The following PARD3B variants were observed in gnomAD, a reference collection of about 807,000 sequenced individuals.
PARD3B encodes partitioning defective 3 homolog B.
In PARD3B, 103 loss-of-function variants were observed where a neutral mutation model predicts 130.2. The ratio of observed to expected loss-of-function variants is 0.79; its 90% confidence interval spans 0.67 to 0.93. The LOEUF is 0.93. Ranked by LOEUF, PARD3B falls within the 40% of genes least tolerant of loss-of-function variation. The pLI is 0.00. For synonymous variants in PARD3B, 583 were observed against 553.2 expected (o/e 1.05, Z -0.76); for missense variants, 1,609 against 1,499.2 (o/e 1.07, Z -1.21).
intron 22 of PARD3B, among the ~76,000 whole-genome samples, chr2:205,610,165 T>G (rs888076434): frequency 5.9e-5 from 9 of 152,164 alleles, no homozygotes; most frequent in African/African-American, 2.2e-4. Context: ...GAGTAGCTTA[T>G]ATGAAAATCA....
intron 15 of PARD3B, among the ~76,000 whole-genome samples, chr2:205,226,901 T>C (rs190345572): frequency 3.9e-5 from 6 of 152,306 alleles, no homozygotes; most frequent in Non-Finnish European, 7.4e-5. Context: ...CTGTGAAGAA[T>C]AGCCAAAGCC....
chr2:205,012,107 T>C (rs1695763083), intron 3 of PARD3B, among the ~76,000 whole-genome samples: 1 of 152,192 alleles, frequency 6.6e-6, no homozygotes, highest in Non-Finnish European at 1.5e-5. Context: ...CTCTGTAGGA[T>C]GTCAGGTCTC....
intron 2 of PARD3B, among the ~76,000 whole-genome samples, chr2:204,851,747 T>C (rs2044714128): frequency 6.8e-6 from 1 of 146,380 alleles, no homozygotes; most frequent in Non-Finnish European, 1.5e-5. Context: ...TTGACAATCC[T>C]TTTTTTTTTT....
intron 3 of PARD3B, among the ~76,000 whole-genome samples, chr2:205,035,981 T>G (rs924585755): frequency 4.1e-5 from 6 of 145,044 alleles, no homozygotes; most frequent in African/African-American, 1.5e-4. Flanking sequence ...TATTTATATA[T>G]ATAGTAGAAT....
chr2:205,198,271 G>T (rs905529581), intron 15 of PARD3B, among the ~76,000 whole-genome samples: 2 of 152,168 alleles, frequency 1.3e-5, no homozygotes, highest in Non-Finnish European at 2.9e-5. Context: ...GGAAGATGCT[G>T]GCCAGCTGCC....
chr2:204,888,146 G>A (rs77065247), intron 2 of PARD3B, among the ~76,000 whole-genome samples: 2,644 of 152,132 alleles, frequency 0.017, 54 homozygotes, highest in East Asian at 0.11. Context: ...AAGGGTAGAG[G>A]TATTGAAAAA....
At chr2:205,059,374 A>G (rs1245815341) in intron 4 of PARD3B, among the ~76,000 whole-genome samples, 1 of 152,050 alleles carries the variant, frequency 6.6e-6, no homozygotes, top group Non-Finnish European at 1.5e-5. Flanking sequence ...TCACATGTGC[A>G]AAGAAAGCTT....
At chr2:205,259,981 G>A (rs1362844374) in intron 16 of PARD3B, among the ~76,000 whole-genome samples, 2 of 152,028 alleles carry the variant, frequency 1.3e-5, no homozygotes, top group African/African-American at 2.4e-5. Flanking sequence ...TTACTAATTT[G>A]TGCATAAAAC....
chr2:205,364,310 T>C (rs952912872), intron 18 of PARD3B, among the ~76,000 whole-genome samples: 1 of 152,194 alleles, frequency 6.6e-6, no homozygotes, highest in Non-Finnish European at 1.5e-5. Flanking sequence ...CGGATTCTCC[T>C]CCTCTTTTTT....
At chr2:205,583,812 G>GAGGGGA (rs2054093749) in intron 22 of PARD3B, among the ~76,000 whole-genome samples, 1 of 152,060 alleles carries the variant, frequency 6.6e-6, no homozygotes, top group Non-Finnish European at 1.5e-5. Context: ...TCCTTTTCCT[G>GAGGGGA]TCTTACATCC....
At chr2:205,540,137 T>A (rs928001173) in intron 21 of PARD3B, among the ~76,000 whole-genome samples, 1 of 152,106 alleles carries the variant, frequency 6.6e-6, no homozygotes, top group Non-Finnish European at 1.5e-5. Context: ...GTGAGACACT[T>A]GGGCTGATTT....
chr2:204,892,039 G>A (rs1043301912), intron 2 of PARD3B, among the ~76,000 whole-genome samples: 1 of 152,192 alleles, frequency 6.6e-6, no homozygotes, highest in Admixed American at 6.5e-5. Context: ...TCTGCTGAGA[G>A]GGAGAGAGAC....
intron 2 of PARD3B, among the ~76,000 whole-genome samples, chr2:204,697,448 A>G (rs1240972446): frequency 6.6e-6 from 1 of 152,136 alleles, no homozygotes; most frequent in East Asian, 1.9e-4. Context: ...AATCTTTTTC[A>G]GCTGAATATA....
chr2:205,051,093 A>G (rs959611736), intron 4 of PARD3B, among the ~76,000 whole-genome samples: 2 of 151,888 alleles, frequency 1.3e-5, no homozygotes, highest in Non-Finnish European at 2.9e-5. Context: ...AACAACCACA[A>G]CTCTAACACT....
At chr2:204,636,282 T>C (rs1317619865) in intron 1 of PARD3B, among the ~76,000 whole-genome samples, 1 of 152,128 alleles carries the variant, frequency 6.6e-6, no homozygotes, top group African/African-American at 2.4e-5. Flanking sequence ...ATCTTTCCTT[T>C]GATGGGACCT....
chr2:205,557,252 C>G (rs2052931000), intron 22 of PARD3B, among the ~76,000 whole-genome samples: 1 of 152,176 alleles, frequency 6.6e-6, no homozygotes, highest in Non-Finnish European at 1.5e-5. Context: ...GCAGCACCAG[C>G]TGGGTCCCTT....
intron 22 of PARD3B, among the ~76,000 whole-genome samples, chr2:205,580,602 G>C (rs2053927676): frequency 6.6e-6 from 1 of 152,186 alleles, no homozygotes; most frequent in Non-Finnish European, 1.5e-5. Context: ...CAAGGAGTAA[G>C]TTTCAGTGCC....
At chr2:205,279,394 C>T (rs1226411179) in intron 16 of PARD3B, among the ~76,000 whole-genome samples, 1 of 152,146 alleles carries the variant, frequency 6.6e-6, no homozygotes, top group Non-Finnish European at 1.5e-5. Context: ...GAGGACTCGT[C>T]CTATTCATGG....
intron 15 of PARD3B, among the ~76,000 whole-genome samples, chr2:205,232,815 G>C (rs1184860037): frequency 6.6e-6 from 1 of 152,144 alleles, no homozygotes; most frequent in African/African-American, 2.4e-5. Flanking sequence ...CCAGACAAGT[G>C]AATATGAATA....
Sources: allele counts gnomAD v4.1 joint callset (sites outside exome capture counted in the v4.1 genomes callset), GRCh38; gene constraint gnomAD v4.1.1; transcripts MANE v1.5; gene names NCBI Gene and HGNC (gene_info 2026-07-23, HGNC 2026-07-21).